Variants in SPOCK1 observed in about 807,000 individuals in gnomAD.
The protein encoded by SPOCK1 is SPARC (osteonectin), cwcv and kazal like domains proteoglycan 1.
Under a neutral mutation model 55.3 loss-of-function variants are expected in SPOCK1, and 23 were observed. The observed-to-expected ratio is 0.42, with a 90% CI of 0.30 to 0.59. The LOEUF (loss-of-function observed/expected upper bound fraction) is 0.59, where lower values mean the gene tolerates loss of function less well. Ranked by LOEUF, SPOCK1 falls within the 20% of genes least tolerant of loss-of-function variation. The pLI is 0.22. For synonymous variants in SPOCK1, 226 were observed against 221.0 expected, an observed-to-expected ratio of 1.02 and a Z score of -0.20; for missense variants, 499 against 552.5, an observed-to-expected ratio of 0.90 and a Z score of 0.97.
intron 2 of SPOCK1, among the ~76,000 whole-genome samples, chr5:137,353,231 A>C (rs563787933): frequency 5.3e-4 from 81 of 152,248 alleles, no homozygotes; most frequent in African/African-American, 1.9e-3. Flanking sequence ...AAATACAAAA[A>C]TTAGCTGGGT....
At chr5:137,090,174 T>G (rs918770947) in intron 5 of SPOCK1, among the ~76,000 whole-genome samples, 4 of 152,092 alleles carry the variant, frequency 2.6e-5, no homozygotes, top group Non-Finnish European at 5.9e-5. Context: ...TAGTTTAAGG[T>G]TGTATTTCAA....
intron 6 of SPOCK1, among the ~76,000 whole-genome samples, chr5:137,038,438 T>C (rs957581197): frequency 2.6e-5 from 4 of 152,108 alleles, no homozygotes; most frequent in African/African-American, 9.7e-5. Context: ...CCTGTAGAAA[T>C]ATTTTAAGTG....
intron 6 of SPOCK1, among the ~76,000 whole-genome samples, chr5:137,009,850 C>T (rs1433622713): frequency 6.6e-6 from 1 of 152,182 alleles, no homozygotes; most frequent in Non-Finnish European, 1.5e-5. Context: ...ATGATTAAGA[C>T]ATAGCCCTTG....
chr5:137,208,450 A>C (rs1230342169), intron 3 of SPOCK1, among the ~76,000 whole-genome samples: 1 of 152,218 alleles, frequency 6.6e-6, no homozygotes, highest in African/African-American at 2.4e-5. Context: ...CATCCAAAAC[A>C]CCATTTCATA....
At chr5:137,190,025 T>C (rs1452585533) in intron 3 of SPOCK1, among the ~76,000 whole-genome samples, 1 of 151,618 alleles carries the variant, frequency 6.6e-6, no homozygotes, top group Non-Finnish European at 1.5e-5. Flanking sequence ...AATTTCTTAA[T>C]AAAACTTGAA....
chr5:137,229,190 C>T (rs1387859975), intron 3 of SPOCK1, among the ~76,000 whole-genome samples: 1 of 152,024 alleles, frequency 6.6e-6, no homozygotes, highest in Non-Finnish European at 1.5e-5. Flanking sequence ...TTATTTTTGC[C>T]TTTCCATTTA....
intron 6 of SPOCK1, among the ~76,000 whole-genome samples, chr5:137,003,571 G>A (rs990372782): frequency 1.3e-5 from 2 of 152,150 alleles, no homozygotes; most frequent in East Asian, 3.8e-4. Context: ...ATATCTGTAA[G>A]AGGTTGTTGA....
At chr5:137,108,047 A>C (rs1323461813) in intron 5 of SPOCK1, among the ~76,000 whole-genome samples, 1 of 152,196 alleles carries the variant, frequency 6.6e-6, no homozygotes. Flanking sequence ...GACACCGATG[A>C]TCCAAAAAAG....
At chr5:137,432,756 A>G (rs754712460) in intron 2 of SPOCK1, among the ~76,000 whole-genome samples, 4 of 152,212 alleles carry the variant, frequency 2.6e-5, no homozygotes, top group Non-Finnish European at 5.9e-5. Flanking sequence ...ATTTTATTGC[A>G]TTTTTAAATA....
intron 3 of SPOCK1, among the ~76,000 whole-genome samples, chr5:137,144,751 C>T (rs990785787): frequency 1.3e-5 from 2 of 151,846 alleles, no homozygotes; most frequent in East Asian, 1.9e-4. Context: ...ATAAGAGATC[C>T]GAATAATAAG....
At chr5:137,187,803 G>T (rs997262165) in intron 3 of SPOCK1, among the ~76,000 whole-genome samples, 4 of 152,152 alleles carry the variant, frequency 2.6e-5, no homozygotes, top group Admixed American at 6.5e-5. Context: ...AGCTGTTCAG[G>T]TCACTTCCCC....
At chr5:137,165,873 A>G (rs1260464715) in intron 3 of SPOCK1, among the ~76,000 whole-genome samples, 1 of 150,834 alleles carries the variant, frequency 6.6e-6, no homozygotes, top group Non-Finnish European at 1.5e-5. Flanking sequence ...AAAACACATA[A>G]GAAAAAAAAT....
chr5:137,371,318 A>T (rs1302825839), intron 2 of SPOCK1, among the ~76,000 whole-genome samples: 1 of 152,216 alleles, frequency 6.6e-6, no homozygotes, highest in Non-Finnish European at 1.5e-5. Flanking sequence ...CTTGCCTTGG[A>T]GGGCTACTGT....
intron 2 of SPOCK1, among the ~76,000 whole-genome samples, chr5:137,423,059 C>T (rs188653972): frequency 0.011 from 1,736 of 152,300 alleles, 30 homozygotes; most frequent in African/African-American, 0.039. Context: ...ACTCCAGACC[C>T]TGTTTGCCTG....
At chr5:137,172,664 G>A (rs923512043) in intron 3 of SPOCK1, among the ~76,000 whole-genome samples, 8 of 152,042 alleles carry the variant, frequency 5.3e-5, no homozygotes, top group African/African-American at 1.4e-4. Flanking sequence ...TGAGGCCAAG[G>A]TGCTGTTTCT....
chr5:137,028,177 C>T (rs1011089672), intron 6 of SPOCK1, among the ~76,000 whole-genome samples: 2 of 152,144 alleles, frequency 1.3e-5, no homozygotes, highest in Admixed American at 6.5e-5. Flanking sequence ...CAAGCTGCTT[C>T]CCCAGGGACA....
intron 2 of SPOCK1, among the ~76,000 whole-genome samples, chr5:137,456,371 T>C (rs1753369670): frequency 1.3e-5 from 2 of 152,186 alleles, no homozygotes; most frequent in Non-Finnish European, 2.9e-5. Flanking sequence ...TGTTTGTACA[T>C]ACTTTTAATA....
chr5:137,367,112 A>G (rs1465189960), intron 2 of SPOCK1, among the ~76,000 whole-genome samples: 2 of 152,236 alleles, frequency 1.3e-5, no homozygotes, highest in Non-Finnish European at 2.9e-5. Context: ...CTTGCTTTAG[A>G]TAAGCCCTGG....
At chr5:137,223,537 C>A (rs192176704) in intron 3 of SPOCK1, among the ~76,000 whole-genome samples, 1 of 152,260 alleles carries the variant, frequency 6.6e-6, no homozygotes, top group East Asian at 1.9e-4. Context: ...CCATCTGAGA[C>A]TAATGATTCA....
Sources: allele counts gnomAD v4.1 joint callset (sites outside exome capture counted in the v4.1 genomes callset), GRCh38; gene constraint gnomAD v4.1.1; transcripts MANE v1.5; gene names NCBI Gene and HGNC (gene_info 2026-07-23, HGNC 2026-07-21).